The following PIK3CB variants were observed in gnomAD, a reference collection of about 807,000 sequenced individuals.
PIK3CB encodes phosphatidylinositol 4,5-bisphosphate 3-kinase catalytic subunit beta isoform.
Under a neutral mutation model 136.8 loss-of-function variants are expected in PIK3CB, and 39 were observed. The observed-to-expected ratio is 0.29, with a 90% CI of 0.22 to 0.37. PIK3CB has a LOEUF of 0.37. Ranked by LOEUF, PIK3CB falls within the 10% of genes least tolerant of loss-of-function variation. PIK3CB has a pLI of 1.00. For synonymous variants in PIK3CB, 428 were observed against 436.6 expected (o/e 0.98, Z 0.25); for missense variants, 868 against 1,275.4 (o/e 0.68, Z 4.87).
At position 138,733,412 on chromosome 3, in the gene PIK3CB, G is replaced by T. The variant is rs770453818; in HGVS notation, c.999C>A (p.Phe333Leu). The change falls in exon 8 of 24, where the codon TTC (phenylalanine) becomes TTA (leucine). Residue 333 changes from phenylalanine to leucine, a missense_variant. Physicochemically the swap from Phe to Leu is conservative, Grantham distance 22 (BLOSUM62 0). This residue lies in a region of PIK3CB where 612 missense variants were observed against 801.1 expected (regional missense o/e 0.76). Transcript: ENST00000674063. ...TATTTCCCTTAACCAAGACAATTTG[G>T]AAAGGGTTGTTATTTTCCCAAACAT... ...ISHVWENNNPFQIVLVKGNKL... is the reference protein window; with the variant it reads ...ISHVWENNNPLQIVLVKGNKL... The T allele has an allele frequency of 3.1e-5, 48 of 1,558,594 alleles. 1 individual carries two copies. In the South Asian group the frequency reaches 5.2e-4, roughly 17 times the overall value.
chr3:138,821,556 G>A (rs1933564836), intron 1 of PIK3CB, among the ~76,000 whole-genome samples: 1 of 151,524 alleles, frequency 6.6e-6, no homozygotes, highest in Non-Finnish European at 1.5e-5. Context: ...AGGCCGAGAT[G>A]GGTGGATCAC....
At position 138,693,275 on chromosome 3, in the gene PIK3CB, T is replaced by C. The variant is rs149973974; in HGVS notation, c.1892+1511A>G. On this transcript the variant is annotated intron_variant, in intron 14 of 23. Transcript: ENST00000674063. ...CGCCCAGCTAATGTCTCTGTATTTT[T>C]GGTAGAGACGGGGCTTAACCATGTT... 5.6e-3 allele frequency among the ~76,000 whole-genome samples: 859 copies of C among 152,166 alleles called. 4 individuals carry two copies. Among genetic ancestry groups the C allele is most frequent in the Non-Finnish European group, 9.8e-3 (668 of 68,012 alleles).
intron 1 of PIK3CB, among the ~76,000 whole-genome samples, chr3:138,824,198 T>TATAGGCAGGCATGG (rs1176307133): frequency 6.6e-6 from 1 of 152,214 alleles, no homozygotes; most frequent in Non-Finnish European, 1.5e-5. Context: ...GTTTAATCCA[T>TATAGGCAGGCATGG]ATAATCCTCC....
rs867795150 is a variant in PIK3CB at position 138,747,095 on chromosome 3, T to C, written c.398-4314A>G. Among the ~76,000 whole-genome samples the C allele has an allele frequency of 3.1e-3, 268 of 87,566 alleles. 16 individuals are homozygous for C. Among genetic ancestry groups the C allele is most frequent in the African/African-American group, 0.012 (246 of 21,100 alleles). 57.4% of individuals were successfully genotyped at this position (87,566 alleles called of 152,430 possible). Reference sequence around the variant, plus strand: ...ATATATATATATATATATATATATATATATATATATATATATATGGCATTT... The same window carrying C: ...ATATATATATATATATATATATATACATATATATATATATATATGGCATTT... On this transcript the variant is annotated intron_variant, in intron 4 of 23. Transcript: ENST00000674063.
chr3:138,785,825 TAAAAAAAAAAAA>T (rs1039124528), intron 2 of PIK3CB, among the ~76,000 whole-genome samples: 2 of 117,170 alleles, frequency 1.7e-5, no homozygotes, highest in African/African-American at 3.1e-5. Context: ...AATAAATACT[TAAAAAAAAAAAA>T]AAAAGAAAAT....
At position 138,742,711 on chromosome 3, in the gene PIK3CB, G is replaced by A. The variant is rs769963003; in HGVS notation, c.468C>T (p.Ser156=). 2.1e-5 allele frequency: 34 copies of A among 1,612,994 alleles called. No individual in the cohort carries two copies. Among genetic ancestry groups the A allele is most frequent in the Non-Finnish European group, 2.5e-5 (30 of 1,179,472 alleles). ...CCACAAGTGACAGGATTTTTTCCTC[G>A]CTGAATTTGCGCATTTTTCTTCGAA... is the stretch of plus-strand genomic sequence containing the variant. ...NEFRRKMRKF[S]EEKILSLVGL... is the part of the protein sequence containing the mutation. The change falls in exon 5 of 24, where the codon AGC becomes AGT. Residue 156 remains serine, a synonymous_variant. Coordinates refer to ENST00000674063, the MANE Select transcript of PIK3CB (RefSeq NM_006219.3).
chr3:138,737,585 A>C (rs2045138942), intron 6 of PIK3CB, 122 bp downstream of exon 6: 1 of 291,974 alleles, frequency 3.4e-6, no homozygotes, highest in African/African-American at 2.2e-5. Flanking sequence ...AATACTGTAT[A>C]ATTTTCTGTA....
chr3:138,826,853 G>A (rs1325419186), intron 1 of PIK3CB, among the ~76,000 whole-genome samples: 3 of 152,134 alleles, frequency 2.0e-5, no homozygotes, highest in Non-Finnish European at 4.4e-5. Context: ...CGGATCGCCT[G>A]AGGTCAGGAG....
intron 8 of PIK3CB, among the ~76,000 whole-genome samples, chr3:138,732,468 AACAT>A (rs1387548668): frequency 6.6e-6 from 1 of 152,182 alleles, no homozygotes; most frequent in African/African-American, 2.4e-5. Flanking sequence ...TCAAGCAACA[AACAT>A]TTCAAACAAA....
chr3:138,664,403 T>C (rs2108419937), intron 20 of PIK3CB, among the ~76,000 whole-genome samples: 1 of 152,284 alleles, frequency 6.6e-6, no homozygotes, highest in South Asian at 2.1e-4. Context: ...CAATTTCATG[T>C]TTAAGAGTTA....
intron 19 of PIK3CB, among the ~76,000 whole-genome samples, chr3:138,672,285 C>A (rs1457801260): frequency 6.6e-6 from 1 of 152,020 alleles, no homozygotes; most frequent in Non-Finnish European, 1.5e-5. Context: ...AAAAAAGTTT[C>A]ATGTAAGTGC....
At chr3:138,707,449 T>C in intron 10 of PIK3CB, 160 bp from the exon 11 acceptor site, 1 of 1,361,398 alleles carries the variant, frequency 7.3e-7, no homozygotes, top group Non-Finnish European at 9.4e-7. Flanking sequence ...TTTCTGTTAA[T>C]GCTTGGAACA....
chr3:138,712,355 G>GTAAACAT (rs752730733), intron 9 of PIK3CB, 51 bp from the exon 10 acceptor site: 2 of 772,208 alleles, frequency 2.6e-6, no homozygotes, highest in South Asian at 4.1e-5. Context: ...ACTTTAAGGT[G>GTAAACAT]TAAACATGCA....
At chr3:138,790,423 A>C (rs2046034506) in intron 2 of PIK3CB, among the ~76,000 whole-genome samples, 2 of 151,544 alleles carry the variant, frequency 1.3e-5, no homozygotes, top group African/African-American at 2.4e-5. Context: ...GGCCAGCCTG[A>C]GAAACAGGGC....
At chr3:138,725,988 T>G (rs2044827361) in intron 8 of PIK3CB, among the ~76,000 whole-genome samples, 1 of 152,252 alleles carries the variant, frequency 6.6e-6, no homozygotes, top group Non-Finnish European at 1.5e-5. Context: ...TATTTTTGTT[T>G]TGGGGGACCA....
At chr3:138,774,494 A>G (rs1412278499) in intron 2 of PIK3CB, among the ~76,000 whole-genome samples, 1 of 152,224 alleles carries the variant, frequency 6.6e-6, no homozygotes, top group East Asian at 1.9e-4. Context: ...AATGGGTCCA[A>G]TAGACTAACT....
intron 14 of PIK3CB, among the ~76,000 whole-genome samples, chr3:138,693,301 G>A (rs1408949039): frequency 6.6e-6 from 1 of 152,096 alleles, no homozygotes; most frequent in East Asian, 1.9e-4. Flanking sequence ...TAACCATGTT[G>A]CCAAGGCTGG....
chr3:138,799,116 G>A (rs187283910), intron 1 of PIK3CB, among the ~76,000 whole-genome samples: 1 of 151,840 alleles, frequency 6.6e-6, no homozygotes, highest in Admixed American at 6.6e-5. Flanking sequence ...CAGCTACTCG[G>A]GAGGCTGAGG....
intron 1 of PIK3CB, among the ~76,000 whole-genome samples, chr3:138,815,613 T>C (rs545315451): frequency 1.4e-4 from 22 of 152,118 alleles, no homozygotes; most frequent in South Asian, 4.2e-4. Context: ...AGAGAAGACA[T>C]AGAATAATGA....
Sources: gnomAD v4.1 joint callset for allele counts (sites outside exome capture counted in the v4.1 genomes callset) on GRCh38, gnomAD v4.1.1 for gene constraint, gnomAD v4.1.1 regional missense constraint, MANE v1.5 for transcripts, NCBI Gene and HGNC (gene_info 2026-07-23, HGNC 2026-07-21) for gene names.